Variants in NRXN1 observed in about 807,000 individuals in gnomAD.
The protein encoded by NRXN1 is neurexin-1.
NRXN1 carries 39 observed loss-of-function variants against 150.9 expected under a neutral mutation model. The ratio of observed to expected loss-of-function variants is 0.26; its 90% CI spans 0.20 to 0.34. The LOEUF (loss-of-function observed/expected upper bound fraction) is 0.34. NRXN1 is among the 10% of genes least tolerant of loss of function. The pLI, the probability that NRXN1 is intolerant of heterozygous loss-of-function variation, is 1.00. For missense variants in NRXN1, 1,815 were observed against 1,949.9 expected (o/e 0.93, Z 1.30); for synonymous variants, 924 against 757.0 (o/e 1.22, Z -3.62).
intron 5 of NRXN1, among the ~76,000 whole-genome samples, chr2:50,730,028 C>G (rs1296807651): frequency 1.2e-4 from 18 of 152,190 alleles, no homozygotes; most frequent in Non-Finnish European, 1.5e-5. Flanking sequence ...CTTGCAGCCA[C>G]TCTCTCGACA....
At chr2:50,943,849 A>C (rs1689887241) in intron 2 of NRXN1, among the ~76,000 whole-genome samples, 1 of 152,226 alleles carries the variant, frequency 6.6e-6, no homozygotes, top group Non-Finnish European at 1.5e-5. Context: ...CAGTAGAGAG[A>C]GAAAATAATT....
intron 17 of NRXN1, among the ~76,000 whole-genome samples, chr2:50,257,132 G>T (rs912986254): frequency 6.6e-6 from 1 of 151,988 alleles, no homozygotes; most frequent in African/African-American, 2.4e-5. Flanking sequence ...GGATTTAAAA[G>T]AGATTAATAT....
At chr2:50,353,327 G>A (rs1011796146) in intron 17 of NRXN1, among the ~76,000 whole-genome samples, 1 of 152,058 alleles carries the variant, frequency 6.6e-6, no homozygotes, top group South Asian at 2.1e-4. Flanking sequence ...CCAATAATAT[G>A]CCATCTTTTA....
intron 21 of NRXN1, among the ~76,000 whole-genome samples, chr2:49,969,164 T>C (rs1262298340): frequency 1.3e-5 from 2 of 152,118 alleles, no homozygotes; most frequent in Non-Finnish European, 2.9e-5. Context: ...TATTAGTTAA[T>C]AGCTACATGT....
At chr2:50,118,007 C>A (rs1391535036) in intron 18 of NRXN1, among the ~76,000 whole-genome samples, 1 of 152,122 alleles carries the variant, frequency 6.6e-6, no homozygotes, top group Non-Finnish European at 1.5e-5. Flanking sequence ...CCTAGGTTTT[C>A]TTCCTTCTAT....
chr2:50,155,747 A>G (rs193050732), intron 18 of NRXN1, among the ~76,000 whole-genome samples: 4 of 151,730 alleles, frequency 2.6e-5, no homozygotes, highest in Admixed American at 2.0e-4. Flanking sequence ...ACCTCTGCCT[A>G]TAAGTAAGAG....
At chr2:50,276,078 C>G (rs932688166) in intron 17 of NRXN1, among the ~76,000 whole-genome samples, 14 of 150,198 alleles carry the variant, frequency 9.3e-5, no homozygotes, top group African/African-American at 3.4e-4. Flanking sequence ...AGGAAAGTAG[C>G]CTTTGTATTC....
At chr2:50,194,026 T>C (rs1306699935) in intron 18 of NRXN1, among the ~76,000 whole-genome samples, 1 of 152,164 alleles carries the variant, frequency 6.6e-6, no homozygotes, top group Admixed American at 6.6e-5. Flanking sequence ...TCCTTTTGTC[T>C]TAACTACAAC....
At chr2:50,438,157 T>G (rs890098494) in intron 17 of NRXN1, among the ~76,000 whole-genome samples, 1 of 152,206 alleles carries the variant, frequency 6.6e-6, no homozygotes, top group African/African-American at 2.4e-5. Context: ...AGGAGTTAAC[T>G]GAGTATAGCA....
intron 13 of NRXN1, among the ~76,000 whole-genome samples, chr2:50,500,455 CT>C (rs921041758): frequency 1.3e-5 from 2 of 152,116 alleles, no homozygotes; most frequent in Non-Finnish European, 2.9e-5. Context: ...TGATTGTTGC[CT>C]TCTTTAAAAA....
chr2:50,980,218 C>T (rs983892927), intron 2 of NRXN1, among the ~76,000 whole-genome samples: 1 of 152,070 alleles, frequency 6.6e-6, no homozygotes, highest in East Asian at 1.9e-4. Flanking sequence ...AATTCTCTGC[C>T]TCAAACTCTT....
At chr2:50,816,400 TC>T (rs1668943827) in intron 5 of NRXN1, among the ~76,000 whole-genome samples, 2 of 152,002 alleles carry the variant, frequency 1.3e-5, no homozygotes, top group Admixed American at 1.3e-4. Context: ...AATGGGTTCT[TC>T]CTTCATCAAG....
At chr2:50,829,186 C>G (rs567717419) in intron 5 of NRXN1, among the ~76,000 whole-genome samples, 16 of 152,138 alleles carry the variant, frequency 1.1e-4, no homozygotes, top group African/African-American at 3.9e-4. Flanking sequence ...GCAGTACAGT[C>G]CAGCTTCGGC....
chr2:50,935,060 C>G (rs140010495), intron 2 of NRXN1, among the ~76,000 whole-genome samples: 2,809 of 152,236 alleles, frequency 0.018, 42 homozygotes, highest in Non-Finnish European at 0.028. Context: ...TTTATCATTA[C>G]TGTCTTTAAG....
chr2:50,471,277 T>C (rs2089433556), intron 16 of NRXN1, among the ~76,000 whole-genome samples: 1 of 151,582 alleles, frequency 6.6e-6, no homozygotes, highest in South Asian at 2.1e-4. Context: ...CTTGTGAGCC[T>C]CCAATGTCCC....
intron 21 of NRXN1, among the ~76,000 whole-genome samples, chr2:50,043,383 T>C (rs1691311784): frequency 6.6e-6 from 1 of 152,188 alleles, no homozygotes; most frequent in Non-Finnish European, 1.5e-5. Flanking sequence ...ATGTAGACCC[T>C]GTCAAGAAAC....
chr2:50,939,124 T>C (rs1688993791), intron 2 of NRXN1, among the ~76,000 whole-genome samples: 1 of 139,290 alleles, frequency 7.2e-6, no homozygotes, highest in African/African-American at 2.7e-5. Flanking sequence ...GGCAGGAGAA[T>C]GGCATGAACC....
At chr2:50,955,163 T>A (rs1286692912) in intron 2 of NRXN1, among the ~76,000 whole-genome samples, 1 of 152,172 alleles carries the variant, frequency 6.6e-6, no homozygotes, top group Non-Finnish European at 1.5e-5. Context: ...ACAGCTGACA[T>A]GGGTCACTAT....
rs145687290 is a variant in NRXN1 at position 50,878,208 on chromosome 2, C to G, written c.832+43661G>C. Among the ~76,000 whole-genome samples the G allele has an allele frequency of 5.1e-3, 775 of 152,074 alleles. 7 individuals carry two copies. Among genetic ancestry groups the G allele is most frequent in the African/African-American group, 0.018 (739 of 41,538 alleles). ...TTAAAAGAGGAAAAACTAATGCATT[C>G]TAAATTCTACATTACCAGAGCCCAC... On this transcript the variant is annotated intron_variant, in intron 5 of 22. Transcript: ENST00000401669.
Sources: gnomAD v4.1 joint callset for allele counts (sites outside exome capture counted in the v4.1 genomes callset) on GRCh38, gnomAD v4.1.1 for gene constraint, MANE v1.5 for transcripts, NCBI Gene and HGNC (gene_info 2026-07-23, HGNC 2026-07-21) for gene names.